LSAMP: variants seen among roughly 807,000 people sequenced by gnomAD.
The protein encoded by LSAMP is limbic system associated membrane protein, also known as limbic system-associated membrane protein.
A neutral mutation model predicts 38.6 loss-of-function variants in LSAMP; 7 were observed. That is an observed-to-expected ratio of 0.18 (90% CI 0.10 to 0.34). The LOEUF is 0.34. LSAMP is among the 10% of genes least tolerant of loss of function. The probability of loss-of-function intolerance (pLI) is 1.00; values close to 1 mark genes in which losing one functional copy is unlikely to be tolerated. For synonymous variants in LSAMP, 154 were observed against 166.8 expected (o/e 0.92, Z 0.59); for missense variants, 313 against 420.0 (o/e 0.75, Z 2.23).
intron 3 of LSAMP, among the ~76,000 whole-genome samples, chr3:115,939,508 G>T (rs919275442): frequency 1.4e-5 from 2 of 146,236 alleles, no homozygotes; most frequent in Admixed American, 6.9e-5. Flanking sequence ...ATGTCAAGGA[G>T]CTTTTTCTTT....
chr3:115,875,232 C>A (rs577810164), intron 3 of LSAMP, among the ~76,000 whole-genome samples: 11 of 152,052 alleles, frequency 7.2e-5, no homozygotes, highest in Non-Finnish European at 1.5e-4. Context: ...AGGCGAGTAA[C>A]CTTAACCTAA....
At position 115,940,099 on chromosome 3, in the gene LSAMP, G is replaced by A. The variant is rs556795758; in HGVS notation, c.514+79416C>T. On this transcript the variant is annotated intron_variant, in intron 3 of 6. Transcript: ENST00000490035. ...GCATCTGGAGTTGTTTGTTCCTCCC[G>A]GTGGTTTCGTGGTCTTGCTGACTTC... Among the ~76,000 whole-genome samples the A allele has an allele frequency of 5.9e-5, 9 of 152,176 alleles. No homozygotes were observed. The South Asian group carries it at 6.3e-4, about 11-fold the overall frequency.
intron 1 of LSAMP, among the ~76,000 whole-genome samples, chr3:116,291,803 A>G (rs2047271221): frequency 1.3e-5 from 2 of 152,164 alleles, no homozygotes; most frequent in South Asian, 4.1e-4. Context: ...AGACACATCC[A>G]TTTTCAGGCC....
chr3:116,060,755 C>T (rs1355464310), intron 2 of LSAMP, among the ~76,000 whole-genome samples: 2 of 151,812 alleles, frequency 1.3e-5, no homozygotes, highest in Non-Finnish European at 2.9e-5. Flanking sequence ...AGTGAAACTC[C>T]ATCTCAAAAA....
At chr3:116,313,868 T>G (rs1317507301) in intron 1 of LSAMP, among the ~76,000 whole-genome samples, 2 of 152,044 alleles carry the variant, frequency 1.3e-5, no homozygotes, top group Non-Finnish European at 2.9e-5. Flanking sequence ...GCAGGAGAAT[T>G]GCTTGAACCT....
chr3:115,917,640 C>A (rs1465063452), intron 3 of LSAMP, among the ~76,000 whole-genome samples: 1 of 151,452 alleles, frequency 6.6e-6, no homozygotes, highest in African/African-American at 2.4e-5. Flanking sequence ...AAATTAATGA[C>A]CTTTTTTTTT....
intron 6 of LSAMP, chr3:115,834,444 T>A (rs896993659): frequency 2.5e-6 from 2 of 790,474 alleles, no homozygotes; most frequent in Non-Finnish European, 3.7e-6. Context: ...GGGAAAAAAA[T>A]GATTTATATT....
intron 1 of LSAMP, among the ~76,000 whole-genome samples, chr3:116,404,354 G>A (rs552048927): frequency 4.6e-5 from 7 of 152,122 alleles, no homozygotes; most frequent in African/African-American, 1.7e-4. Flanking sequence ...GCTTTGGAAG[G>A]GTTTCTCATA....
intron 3 of LSAMP, among the ~76,000 whole-genome samples, chr3:115,992,405 T>C (rs1576289679): frequency 6.6e-6 from 1 of 152,028 alleles, no homozygotes; most frequent in South Asian, 2.1e-4. Flanking sequence ...TGGCTGCTGG[T>C]CTTCTTTATA....
chr3:116,067,601 C>T lies in LSAMP; in HGVS notation c.388+18723G>A, dbSNP rs112389625. Among the ~76,000 whole-genome samples, 57 of 152,316 alleles carry T rather than the reference C, an allele frequency of 3.7e-4. 1 individual carries two copies. Among genetic ancestry groups the T allele is most frequent in the African/African-American group, 1.2e-3 (51 of 41,578 alleles). Reference sequence around the variant, plus strand: ...GGCAAATACCCCCTGGTTGTTGCTGCCCCATCAATCATGGGCCATTTGGCC... The same window carrying T: ...GGCAAATACCCCCTGGTTGTTGCTGTCCCATCAATCATGGGCCATTTGGCC... On this transcript the variant is annotated intron_variant, in intron 2 of 6. Transcript: ENST00000490035.
At chr3:116,309,202 T>C (rs1391324840) in intron 1 of LSAMP, among the ~76,000 whole-genome samples, 3 of 152,116 alleles carry the variant, frequency 2.0e-5, no homozygotes, top group African/African-American at 7.2e-5. Flanking sequence ...AATTCCTATT[T>C]AGTTGACAGC....
intron 1 of LSAMP, among the ~76,000 whole-genome samples, chr3:116,442,176 A>C (rs1011716842): frequency 2.0e-5 from 3 of 152,204 alleles, no homozygotes; most frequent in Admixed American, 2.0e-4. Flanking sequence ...TCCCCAAAAG[A>C]AACTCTTGTT....
intron 1 of LSAMP, among the ~76,000 whole-genome samples, chr3:116,287,680 G>A (rs1157437216): frequency 6.6e-6 from 1 of 152,118 alleles, no homozygotes; most frequent in Non-Finnish European, 1.5e-5. Flanking sequence ...CTTACCTAAT[G>A]GAAAAAATAG....
chr3:116,300,466 G>A (rs1279284778), intron 1 of LSAMP, among the ~76,000 whole-genome samples: 1 of 152,096 alleles, frequency 6.6e-6, no homozygotes. Context: ...TAAATCAGGG[G>A]TCCCCAGCCC....
At chr3:116,167,853 A>G (rs1710098256) in intron 1 of LSAMP, among the ~76,000 whole-genome samples, 1 of 152,238 alleles carries the variant, frequency 6.6e-6, no homozygotes, top group Admixed American at 6.5e-5. Flanking sequence ...GAATATGAAG[A>G]CTGAAAGCTG....
chr3:116,403,929 A>AT (rs397784042), intron 1 of LSAMP, among the ~76,000 whole-genome samples: 30,848 of 147,186 alleles, frequency 0.21, 3,817 homozygotes, highest in African/African-American at 0.35. Context: ...TACTTTTGTA[A>AT]TTTTTTTTTT....
At chr3:115,988,149 T>C (rs1939566133) in intron 3 of LSAMP, among the ~76,000 whole-genome samples, 1 of 152,156 alleles carries the variant, frequency 6.6e-6, no homozygotes, top group Non-Finnish European at 1.5e-5. Flanking sequence ...ACTACTCCAT[T>C]GAGTAACTTC....
chr3:116,326,118 TAATC>T (rs1167893122), intron 1 of LSAMP, among the ~76,000 whole-genome samples: 6 of 152,264 alleles, frequency 3.9e-5, no homozygotes, highest in South Asian at 4.1e-4. Context: ...CATCTCAATT[TAATC>T]AATCAAACTA....
chr3:115,837,717 T>G (rs1441453532), intron 6 of LSAMP, among the ~76,000 whole-genome samples: 2 of 152,200 alleles, frequency 1.3e-5, no homozygotes, highest in East Asian at 3.8e-4. Context: ...TCTCCTAATA[T>G]TTATGCCCAC....
Sources: allele counts gnomAD v4.1 joint callset (sites outside exome capture counted in the v4.1 genomes callset), GRCh38; gene constraint gnomAD v4.1.1; transcripts MANE v1.5; gene names NCBI Gene and HGNC (gene_info 2026-07-23, HGNC 2026-07-21).